The following TGFA variants were observed in gnomAD, a reference collection of about 807,000 sequenced individuals.
TGFA encodes transforming growth factor alpha, also known as protransforming growth factor alpha.
In TGFA, 12 loss-of-function variants were observed where a neutral mutation model predicts 21.7. The observed-to-expected ratio is 0.55, with a 90% CI of 0.35 to 0.90. The LOEUF is 0.90. TGFA is among the 40% of genes least tolerant of loss of function. The pLI, the probability that TGFA is intolerant of heterozygous loss-of-function variation, is 0.01. For missense variants in TGFA, 178 were observed against 210.8 expected, an observed-to-expected ratio of 0.84 and a Z score of 0.96; for synonymous variants, 79 against 88.1, an observed-to-expected ratio of 0.90 and a Z score of 0.58.
intron 3 of TGFA, among the ~76,000 whole-genome samples, chr2:70,464,889 G>A (rs1670504575): frequency 6.6e-6 from 1 of 152,118 alleles, no homozygotes; most frequent in East Asian, 1.9e-4. Context: ...CCCCTAACTG[G>A]TCTAACCCTA....
rs1363164173 is a variant in TGFA at position 70,447,437 on chromosome 2, AT to A, written c.*3421del. 1.3e-5 allele frequency: 2 copies of A among 152,678 alleles called. No individual in the cohort carries two copies. Among genetic ancestry groups the A allele is most frequent in the African/African-American group, 4.8e-5 (2 of 41,456 alleles). 9.5% of individuals were successfully genotyped at this position (152,678 alleles called of 1,614,324 possible). ...ATTAAGGAAAATAACTGCTAATCAC[AT>A]TAACACATTACAGAAATCAAAATTA... On this transcript the variant is annotated 3_prime_UTR_variant, in exon 6 of 6. Transcript: ENST00000295400.
intron 2 of TGFA, among the ~76,000 whole-genome samples, chr2:70,504,469 C>CATATATATATATATATAT (rs1230209696): frequency 0.012 from 1,004 of 80,360 alleles, 20 homozygotes; most frequent in South Asian, 0.027. Flanking sequence ...TATATACACA[C>CATATATATATATATATAT]ATACATACAT....
intron 2 of TGFA, among the ~76,000 whole-genome samples, chr2:70,514,456 C>T (rs934893014): frequency 2.7e-5 from 4 of 145,622 alleles, no homozygotes; most frequent in East Asian, 2.0e-4. Context: ...AGTATTAAAA[C>T]GTAAACCAGA....
At position 70,447,458 on chromosome 2, in the gene TGFA, AAATT is replaced by A. The variant is rs1198578566; in HGVS notation, c.*3397_*3400del. ...TCACATTAACACATTACAGAAATCA[AAATT>A]AACTTACCACACAAAATAAATTAAA... On this transcript the variant is annotated 3_prime_UTR_variant, in exon 6 of 6. Transcript: ENST00000295400. 6.5e-6 allele frequency: 1 copy of A among 152,674 alleles called. No individual in the cohort carries two copies. The highest frequency in any genetic ancestry group is 2.4e-5 in the African/African-American group (1 of 41,462). The allele number at this position is 152,674 out of a possible 1,614,324, so 9.5% of individuals were successfully genotyped here.
intron 1 of TGFA, among the ~76,000 whole-genome samples, chr2:70,519,348 T>C (rs1243116298): frequency 6.6e-6 from 1 of 152,246 alleles, no homozygotes; most frequent in African/African-American, 2.4e-5. Context: ...TATAGGTTCA[T>C]GGCATCTTCC....
Position 70,449,820 on chromosome 2 carries a change from C to T in TGFA, c.*1039G>A, listed in dbSNP as rs537646202. 137 of 182,712 alleles carry T rather than the reference C, an allele frequency of 7.5e-4. 1 individual carries two copies. Among genetic ancestry groups the T allele is most frequent in the South Asian group, 2.3e-3 (21 of 9,278 alleles). 11.3% of individuals were successfully genotyped at this position (182,712 alleles called of 1,614,324 possible). On this transcript the variant is annotated 3_prime_UTR_variant, in exon 6 of 6. Coordinates refer to ENST00000295400, the MANE Select transcript of TGFA (RefSeq NM_003236.4). ...TCGTGGCTAATGTTCTATTTCTAAA[C>T]ATACTTACCGAGGGCTCACGAGGAA...
chr2:70,451,658 T>C (rs1209982878), intron 5 of TGFA: 1 of 665,766 alleles, frequency 1.5e-6, no homozygotes, highest in Non-Finnish European at 2.7e-6. Context: ...CTACAGAATC[T>C]ATTACAAATT....
At chr2:70,545,631 T>C (rs1299008807) in intron 1 of TGFA, among the ~76,000 whole-genome samples, 2 of 152,078 alleles carry the variant, frequency 1.3e-5, no homozygotes, top group Admixed American at 1.3e-4. Context: ...ACATAATATA[T>C]GAGATCACTA....
At chr2:70,528,541 G>A (rs1312492018) in intron 1 of TGFA, among the ~76,000 whole-genome samples, 1 of 152,124 alleles carries the variant, frequency 6.6e-6, no homozygotes, top group Non-Finnish European at 1.5e-5. Flanking sequence ...GTCTTCCAGA[G>A]AAGTCATCTA....
At position 70,514,898 on chromosome 2, in the gene TGFA, C is replaced by A. The variant is rs1336263613; in HGVS notation, c.55G>T (p.Ala19Ser). 2.5e-6 allele frequency: 4 copies of A among 1,613,970 alleles called. No individual in the cohort carries two copies. In the African/African-American group the frequency reaches 4.0e-5, roughly 16 times the overall value. Residue 19 changes from alanine to serine, a missense_variant, in exon 2 of 6, where the codon GCG becomes TCG. Transcript: ENST00000295400. Reference protein sequence around the residue: ...ALFALGIVLAACQALENSTSP... With the variant: ...ALFALGIVLASCQALENSTSP... ...GTGCTGTTCTCCAAGGCCTGGCACGCAGCCAACACAATACCTGTTGGGTGG... is the reference window on the plus strand; with the variant it reads ...GTGCTGTTCTCCAAGGCCTGGCACGAAGCCAACACAATACCTGTTGGGTGG...
At position 70,553,772 on chromosome 2, in the gene TGFA, C is replaced by T. The variant is rs1396342827; in HGVS notation, c.-5G>A. On this transcript the variant is annotated 5_prime_UTR_variant, in exon 1 of 6. Transcript: ENST00000295400. The stretch of plus-strand genomic sequence containing the variant: ...CTGTCCAGCCGAGGGGACCATTTTA[C>T]GGGCGGGCGGGCAGCAGGCTCTCCA... The T allele has an allele frequency of 3.1e-6, 4 of 1,278,174 alleles. No homozygotes were observed. Among genetic ancestry groups the T allele is most frequent in the Non-Finnish European group, 4.0e-6 (4 of 1,005,364 alleles). The allele number at this position is 1,278,174 out of a possible 1,614,324, so 79.2% of individuals were successfully genotyped here. A position where few individuals can be genotyped will look rare whatever the true frequency, so the allele number is the denominator to read the frequency against.
chr2:70,453,025 G>T (rs916197397), intron 5 of TGFA, among the ~76,000 whole-genome samples, 193 bp downstream of exon 5: 4 of 152,204 alleles, frequency 2.6e-5, no homozygotes, highest in African/African-American at 9.7e-5. Context: ...ACAGCCACCA[G>T]CCAGGATGTA....
chr2:70,528,756 C>A (rs1574136040), intron 1 of TGFA, among the ~76,000 whole-genome samples: 1 of 152,284 alleles, frequency 6.6e-6, no homozygotes, highest in South Asian at 2.1e-4. Flanking sequence ...AGCTCTGTGA[C>A]CAAGAGGGCA....
rs370803405 is a variant in TGFA, at chr2:70,450,360, T to G, written c.*499A>C. 1 of 153,800 alleles carries G rather than the reference T, an allele frequency of 6.5e-6. No individual in the cohort carries two copies. The highest frequency in any genetic ancestry group is 2.4e-5 in the African/African-American group (1 of 41,630). The allele number at this position is 153,800 out of a possible 1,614,324, so 9.5% of individuals were successfully genotyped here. On this transcript the variant is annotated 3_prime_UTR_variant, in exon 6 of 6. Coordinates refer to ENST00000295400, the MANE Select transcript of TGFA (RefSeq NM_003236.4). Reference sequence around the variant, plus strand: ...TCGTGGTTAGAGGATACAGCTTCTCTTAAAGCTAGGGTCTTCATGTGATAT... The same window carrying G: ...TCGTGGTTAGAGGATACAGCTTCTCGTAAAGCTAGGGTCTTCATGTGATAT...
In TGFA at chr2:70,514,919, G is replaced by A. The variant is rs374805723; in HGVS notation, c.41-7C>T. 15 of 1,613,606 alleles carry A rather than the reference G, an allele frequency of 9.3e-6. 1 individual carries two copies. The highest frequency in any genetic ancestry group is 2.2e-5 in the East Asian group (1 of 44,856). ...CACGCAGCCAACACAATACCTGTTG[G>A]GTGGAGGAGAAGAGGGAAAAGGTCA... On this transcript the variant is annotated splice_region_variant and splice_polypyrimidine_tract_variant and intron_variant, in intron 1 of 5. Transcript: ENST00000295400.
intron 3 of TGFA, among the ~76,000 whole-genome samples, chr2:70,465,257 T>C (rs1033443826): frequency 6.6e-6 from 1 of 152,224 alleles, no homozygotes; most frequent in African/African-American, 2.4e-5. Context: ...CTCAAAGTTA[T>C]CCATCCCAGT....
chr2:70,553,523 G>T, intron 1 of TGFA: 1 of 1,373,164 alleles, frequency 7.3e-7, no homozygotes. Flanking sequence ...ACTTTCCCGG[G>T]GAAGCCTCGG....
chr2:70,517,794 T>C (rs966972517), intron 1 of TGFA, among the ~76,000 whole-genome samples: 37 of 152,236 alleles, frequency 2.4e-4, no homozygotes, highest in African/African-American at 8.4e-4. Context: ...CAACAGACTC[T>C]GCAGGCCCAG....
rs1302511134 is a variant in TGFA, at chr2:70,499,451, A to G, written c.94+15408T>C. Among the ~76,000 whole-genome samples the G allele has an allele frequency of 6.6e-5, 10 of 152,356 alleles. No homozygotes were observed. In the South Asian group the frequency reaches 2.1e-3, roughly 32 times the overall value. ...CGAGAGTTAAACCTGCTGTTAAGCCAGTGAAATTTTGTCACTGCAGCATAA... is the reference window on the plus strand; with the variant it reads ...CGAGAGTTAAACCTGCTGTTAAGCCGGTGAAATTTTGTCACTGCAGCATAA... On this transcript the variant is annotated intron_variant, in intron 2 of 5. Coordinates refer to ENST00000295400, the MANE Select transcript of TGFA (RefSeq NM_003236.4).
Sources: allele counts gnomAD v4.1 joint callset (sites outside exome capture counted in the v4.1 genomes callset), GRCh38; gene constraint gnomAD v4.1.1; transcripts MANE v1.5; gene names NCBI Gene and HGNC (gene_info 2026-07-23, HGNC 2026-07-21).